The following SARS1 variants were observed in gnomAD, a reference collection of about 807,000 sequenced individuals.
SARS1 encodes the protein seryl-tRNA synthetase 1.
SARS1 carries 25 observed loss-of-function variants against 63.7 expected under a neutral mutation model. The ratio of observed to expected loss-of-function variants is 0.39; its 90% CI spans 0.29 to 0.55. The LOEUF (loss-of-function observed/expected upper bound fraction) is 0.55. Among genes scored for constraint, SARS1 ranks in the 20% least tolerant of loss-of-function variants. The probability of loss-of-function intolerance (pLI) is 0.62; values close to 1 mark genes in which losing one functional copy is unlikely to be tolerated. For missense variants in SARS1, 417 were observed against 649.7 expected (o/e 0.64, Z 3.89); for synonymous variants, 231 against 243.5 (o/e 0.95, Z 0.48).
intron 1 of SARS1, chr1:109,216,062 C>T (rs1557713276): frequency 1.0e-6 from 1 of 985,108 alleles, no homozygotes; most frequent in African/African-American, 1.7e-5. Context: ...CAACCCTTTC[C>T]AATATTCTCT....
chr1:109,226,035 C>T (rs1363905449), intron 2 of SARS1, among the ~76,000 whole-genome samples: 2 of 152,068 alleles, frequency 1.3e-5, no homozygotes, highest in Non-Finnish European at 2.9e-5. Flanking sequence ...TTTTATTGCC[C>T]AGGCTGGAGC....
chr1:109,223,874 T>C (rs1234006320), intron 1 of SARS1, 104 bp from the exon 2 acceptor site: 1 of 813,632 alleles, frequency 1.2e-6, no homozygotes, highest in African/African-American at 1.7e-5. Context: ...CTGCCGGCAT[T>C]TGGGCCTTAA....
intron 1 of SARS1, among the ~76,000 whole-genome samples, chr1:109,219,310 T>C (rs1441750698): frequency 1.1e-5 from 1 of 93,416 alleles, no homozygotes; most frequent in African/African-American, 3.8e-5. Flanking sequence ...ACAGTATATA[T>C]ATACACTATA....
In SARS1 at chr1:109,228,393, T is replaced by A. The variant is rs1430341706; in HGVS notation, c.249T>A (p.Asn83Lys). Reference protein sequence around the residue: ...PVGDDESVPENVLSFDDLTAD... With the variant: ...PVGDDESVPEKVLSFDDLTAD... ...GAGATGATGAGTCTGTCCCAGAGAA[T>A]GTGCTGAGTTTCGATGACCTTACTG... The change falls in exon 3 of 11, where the codon AAT becomes AAA. Residue 83 changes from asparagine to lysine, a missense_variant. Asn to Lys is a moderately conservative substitution (Grantham distance 94, BLOSUM62 0). Around this residue, in one of 3 missense-constraint regions of SARS1, gnomAD observed 359 missense variants for 529.6 expected, o/e 0.68. Transcript: ENST00000234677. The A allele has an allele frequency of 6.2e-7, 1 of 1,614,030 alleles. No individual in the cohort carries two copies. The highest frequency in any genetic ancestry group is 1.7e-5 in the Admixed American group (1 of 60,006).
At chr1:109,227,949 G>GGT (rs113074243) in intron 2 of SARS1, among the ~76,000 whole-genome samples, 3,149 of 150,390 alleles carry the variant, frequency 0.021, 123 homozygotes, top group African/African-American at 0.073. Flanking sequence ...TCCACACTCA[G>GGT]GTGTGTCTGC....
At chr1:109,227,271 G>A (rs1348537577) in intron 2 of SARS1, among the ~76,000 whole-genome samples, 1 of 152,074 alleles carries the variant, frequency 6.6e-6, no homozygotes, top group Non-Finnish European at 1.5e-5. Context: ...GGGATTACAG[G>A]CATGAGCCAC....
chr1:109,216,119 CAAGGT>C, intron 1 of SARS1: 1 of 985,428 alleles, frequency 1.0e-6, no homozygotes, highest in South Asian at 4.7e-5. Flanking sequence ...CCCAACTGCC[CAAGGT>C]AGACACTGGC....
rs545369030 is a variant in SARS1, at chr1:109,237,185, G to A, written c.1258-59G>A. On this transcript the variant is annotated intron_variant, in intron 9 of 10. Transcript: ENST00000234677. The surrounding 1 kb of genome is among the most constrained non-coding windows in gnomAD (Gnocchi z 4.1). ...CTGGTTGAATGGATGGTTCCTGGCC[G>A]TCAGTAAGACCCGATGAGAGTTGAG... 1.0e-5 allele frequency: 16 copies of A among 1,566,198 alleles called. No homozygotes were observed. The highest frequency in any genetic ancestry group is 8.1e-5 in the Admixed American group (4 of 49,442).
At chr1:109,232,743 C>A (rs1452179993) in intron 6 of SARS1, among the ~76,000 whole-genome samples, 1 of 152,160 alleles carries the variant, frequency 6.6e-6, no homozygotes, top group Non-Finnish European at 1.5e-5. Context: ...CTCGCTAAAA[C>A]CTGTTTTACC....
chr1:109,236,201 T>G (rs1262035385), intron 8 of SARS1, 95 bp downstream of exon 8: 1 of 1,432,526 alleles, frequency 7.0e-7, no homozygotes, highest in African/African-American at 1.4e-5. Flanking sequence ...AGCTCACAAT[T>G]CAACTCATTG....
intron 2 of SARS1, among the ~76,000 whole-genome samples, chr1:109,227,020 G>A (rs762228047): frequency 6.1e-4 from 79 of 130,324 alleles, no homozygotes; most frequent in South Asian, 1.7e-3. Flanking sequence ...TTTTGAGACA[G>A]AGTCTTACTC....
upstream of SARS1, chr1:109,213,898 G>GGGCGGGTCAGCGCGCC (rs1553176627): frequency 3.4e-6 from 5 of 1,452,524 alleles, no homozygotes; most frequent in South Asian, 7.1e-5. Flanking sequence ...TGCGCAGGAA[G>GGGCGGGTCAGCGCGCC]GGCGGGTCAG....
chr1:109,219,318 ATATATT>A (rs1463275997), intron 1 of SARS1, among the ~76,000 whole-genome samples: 7 of 74,726 alleles, frequency 9.4e-5, no homozygotes, highest in East Asian at 8.3e-4. Context: ...TATATACACT[ATATATT>A]TATATACACA....
In SARS1 at chr1:109,231,698, A is replaced by G; in HGVS notation, c.659A>G (p.Tyr220Cys). 6.3e-7 allele frequency: 1 copy of G among 1,595,608 alleles called. No individual in the cohort carries two copies. Among genetic ancestry groups the G allele is most frequent in the Non-Finnish European group, 8.5e-7 (1 of 1,172,022 alleles). Residue 220 changes from tyrosine (Y) to cysteine (C), a missense_variant, in exon 6 of 11, where the codon TAC (tyrosine) becomes TGC (cysteine). Tyr to Cys is a radical substitution (Grantham distance 194). Transcript: ENST00000234677. The part of the protein sequence containing the change: ...YALRTLGSRG[Y>C]IPIYTPFFMR... ...CTTCGCACCTTGGGAAGTCGGGGCTACATTCCCATTTATACCCCCTTTTTC... is the reference window on the plus strand; with the variant it reads ...CTTCGCACCTTGGGAAGTCGGGGCTGCATTCCCATTTATACCCCCTTTTTC...
chr1:109,219,245 G>A (rs1212080899), intron 1 of SARS1, among the ~76,000 whole-genome samples: 11 of 69,926 alleles, frequency 1.6e-4, no homozygotes, highest in Non-Finnish European at 3.5e-4. Context: ...CAGCCTGGGC[G>A]ATAGAGCAAG....
At position 109,231,636 on chromosome 1, in the gene SARS1, C is replaced by T. The variant is rs1570761688; in HGVS notation, c.597C>T (p.Val199=). ...CTGTGTCTCTGCTCCTCTAGGGGGTCCTGGTGTTCCTGGAACAGGCTCTCA... is the reference window on the plus strand; with the variant it reads ...CTGTGTCTCTGCTCCTCTAGGGGGTTCTGGTGTTCCTGGAACAGGCTCTCA... ...AGSRGYFLKG[V]LVFLEQALIQ... The change falls in exon 6 of 11, where the codon GTC becomes GTT. Residue 199 remains valine, a synonymous_variant. Coordinates refer to ENST00000234677, the MANE Select transcript of SARS1 (RefSeq NM_006513.4). 1 of 1,527,700 alleles carries T rather than the reference C, an allele frequency of 6.5e-7. No individual in the cohort carries two copies. Among genetic ancestry groups the T allele is most frequent in the Non-Finnish European group, 8.8e-7 (1 of 1,140,994 alleles). The allele number at this position is 1,527,700 out of a possible 1,614,324, so 94.6% of individuals were successfully genotyped here. A position where few individuals can be genotyped will look rare whatever the true frequency, so the allele number is the denominator to read the frequency against.
In SARS1 at chr1:109,237,223, TCTGGGACC is replaced by T. The variant is rs1570765220; in HGVS notation, c.1258-17_1258-10del. ...GATGAGAGTTGAGCCCGACTTCCCCTCTGGGACCCTGTCTTCCCAGGTGGAGTTTGTCC... is the reference window on the plus strand; with the variant it reads ...GATGAGAGTTGAGCCCGACTTCCCCTCTGTCTTCCCAGGTGGAGTTTGTCC... On this transcript the variant is annotated splice_polypyrimidine_tract_variant and intron_variant, in intron 9 of 10. Transcript: ENST00000234677. This position sits in a 1 kb window ranked among gnomAD's most constrained non-coding sequence, Gnocchi z 4.1. 13 of 1,605,158 alleles carry T rather than the reference TCTGGGACC, an allele frequency of 8.1e-6. No homozygotes were observed. The highest frequency in any genetic ancestry group is 1.1e-5 in the Non-Finnish European group (13 of 1,176,370).
intron 1 of SARS1, chr1:109,217,206 C>T (rs1263250304): frequency 1.1e-6 from 1 of 870,112 alleles, no homozygotes; most frequent in Non-Finnish European, 1.4e-6. Context: ...AATAAATCCA[C>T]CATAAGTTGA....
intron 6 of SARS1, 87 bp downstream of exon 6, chr1:109,231,873 C>A: frequency 8.6e-7 from 1 of 1,160,508 alleles, no homozygotes; most frequent in Non-Finnish European, 1.1e-6. Flanking sequence ...TCCAATAGGA[C>A]TTTCTGCGAT....
Sources: gnomAD v4.1 joint callset for allele counts (sites outside exome capture counted in the v4.1 genomes callset) on GRCh38, gnomAD v4.1.1 for gene constraint, gnomAD v4.1.1 regional missense constraint, Gnocchi (gnomAD v3.1) non-coding constraint, MANE v1.5 for transcripts, NCBI Gene and HGNC (gene_info 2026-07-23, HGNC 2026-07-21) for gene names.